The following TOPAZ1 variants were observed in gnomAD, a reference collection of about 807,000 sequenced individuals.
TOPAZ1 encodes testis and ovary specific TOPAZ 1, also known as protein TOPAZ1.
Under a neutral mutation model 172.2 loss-of-function variants are expected in TOPAZ1, and 66 were observed. The observed-to-expected ratio is 0.38, with a 90% confidence interval of 0.31 to 0.47. The LOEUF (loss-of-function observed/expected upper bound fraction) is 0.47. Among genes scored for constraint, TOPAZ1 ranks in the 20% least tolerant of loss-of-function variants. TOPAZ1 has a pLI of 0.99. For missense variants in TOPAZ1, 1,822 were observed against 1,972.4 expected, an observed-to-expected ratio of 0.92 and a Z score of 1.44; for synonymous variants, 681 against 683.9, an observed-to-expected ratio of 1.00 and a Z score of 0.07.
chr3:44,269,342 T>C (rs369310231), intron 7 of TOPAZ1, 41 bp downstream of exon 7: 28 of 1,137,352 alleles, frequency 2.5e-5, no homozygotes, highest in African/African-American at 1.5e-4. Context: ...TGTCTCTTTC[T>C]CCTCCCCCTC....
At chr3:44,291,030 C>A in intron 12 of TOPAZ1, 144 bp downstream of exon 12, 1 of 528,134 alleles carries the variant, frequency 1.9e-6, no homozygotes, top group Non-Finnish European at 3.2e-6. Flanking sequence ...TGTCTCTTGG[C>A]TGTGCCCTAC....
chr3:44,304,752 A>G (rs1201335323), intron 13 of TOPAZ1, among the ~76,000 whole-genome samples: 1 of 152,370 alleles, frequency 6.6e-6, no homozygotes, highest in East Asian at 1.9e-4. Flanking sequence ...GCCAGATAAC[A>G]TTAAAATGTA....
intron 17 of TOPAZ1, 60 bp downstream of exon 17, chr3:44,321,251 TAAGA>T: frequency 8.5e-7 from 1 of 1,180,054 alleles, no homozygotes; most frequent in Non-Finnish European, 1.2e-6. Context: ...TAACTGTTAA[TAAGA>T]AATAGTTATC....
rs145471155 is a variant in TOPAZ1, at chr3:44,261,550, T to A, written c.2956-869T>A. Among the ~76,000 whole-genome samples, 1,469 of 152,322 alleles carry A rather than the reference T, an allele frequency of 9.6e-3. 10 individuals carry two copies. The highest frequency in any genetic ancestry group is 0.02 in the Middle Eastern group (6 of 294). On this transcript the variant is annotated intron_variant, in intron 4 of 19. Coordinates refer to ENST00000309765, the MANE Select transcript of TOPAZ1 (RefSeq NM_001145030.2). ...TTGTACAAGTACCATGCAGTTTTGGTTACTATAGCCCTGTAGCGTAGTTTG... is the reference window on the plus strand; with the variant it reads ...TTGTACAAGTACCATGCAGTTTTGGATACTATAGCCCTGTAGCGTAGTTTG...
At position 44,245,110 on chromosome 3, in the gene TOPAZ1, A is replaced by G. The variant is rs1230635381; in HGVS notation, c.2604A>G (p.Gln868=). The change falls in exon 2 of 20, where the codon CAA becomes CAG. Residue 868 remains glutamine, a synonymous_variant. Coordinates refer to ENST00000309765, the MANE Select transcript of TOPAZ1 (RefSeq NM_001145030.2). The stretch of plus-strand genomic sequence containing the variant: ...ACGTCCTCTTAATTGATGTAATTCA[A>G]GATGACCCAGACCTCTTTGGAGTCT... ...EDDVLLIDVI[Q]DDPDLFGVSN... 5 of 1,551,906 alleles carry G rather than the reference A, an allele frequency of 3.2e-6. No individual in the cohort carries two copies. In the Admixed American group the frequency reaches 5.9e-5, roughly 18 times the overall value.
intron 8 of TOPAZ1, among the ~76,000 whole-genome samples, chr3:44,271,836 C>CA (rs1699902594): frequency 1.3e-5 from 2 of 151,814 alleles, no homozygotes; most frequent in South Asian, 4.2e-4. Flanking sequence ...CAATAGATAT[C>CA]AAAGAAAAAA....
intron 2 of TOPAZ1, among the ~76,000 whole-genome samples, chr3:44,252,228 A>G (rs1334407938): frequency 6.6e-6 from 1 of 152,186 alleles, no homozygotes; most frequent in Non-Finnish European, 1.5e-5. Context: ...AGCATCCCTC[A>G]GTTCTCTATT....
downstream of TOPAZ1, among the ~76,000 whole-genome samples, chr3:44,335,709 C>T (rs549106609): frequency 1.1e-4 from 16 of 152,250 alleles, no homozygotes; most frequent in South Asian, 3.1e-3. Context: ...TGTTCATGTA[C>T]ATAGAAAAAG....
intron 8 of TOPAZ1, among the ~76,000 whole-genome samples, chr3:44,271,454 C>G (rs1488425654): frequency 1.3e-5 from 2 of 152,088 alleles, no homozygotes; most frequent in Non-Finnish European, 2.9e-5. Context: ...CAGATATTTT[C>G]CCTATATTCT....
chr3:44,306,276 C>A, intron 14 of TOPAZ1, 50 bp from the exon 15 acceptor site: 1 of 1,223,560 alleles, frequency 8.2e-7, no homozygotes, highest in South Asian at 1.4e-5. Flanking sequence ...CCTCTTCCAT[C>A]ATTTTAAGTG....
chr3:44,318,969 G>A (rs977775745), intron 16 of TOPAZ1, among the ~76,000 whole-genome samples: 3 of 151,822 alleles, frequency 2.0e-5, no homozygotes, highest in Non-Finnish European at 4.4e-5. Context: ...AGAGGCAACC[G>A]GAAACCTTTG....
In TOPAZ1 at chr3:44,255,099, A is replaced by G. The variant is rs1285877884; in HGVS notation, c.2827+70A>G. ...TTATATCTCCATTCAGGCCTAGTCA[A>G]GATGAATTCACTAGAACAAGAAGCT... On this transcript the variant is annotated intron_variant, in intron 3 of 19. Transcript: ENST00000309765. 1.2e-5 allele frequency: 13 copies of G among 1,110,330 alleles called. 1 individual carries two copies. Among genetic ancestry groups the G allele is most frequent in the Non-Finnish European group, 1.7e-5 (13 of 756,436 alleles). The allele number at this position is 1,110,330 out of a possible 1,614,324, so 68.8% of individuals were successfully genotyped here.
At chr3:44,276,203 T>C (rs551446973) in intron 8 of TOPAZ1, among the ~76,000 whole-genome samples, 1 of 152,206 alleles carries the variant, frequency 6.6e-6, no homozygotes, top group Non-Finnish European at 1.5e-5. Flanking sequence ...TATAGTCCCA[T>C]TTGTCTTATT....
rs1491042358 is a variant in TOPAZ1, at chr3:44,332,026, T to TC, written c.*15_*16insC. On this transcript the variant is annotated 3_prime_UTR_variant, in exon 20 of 20. Coordinates refer to ENST00000309765, the MANE Select transcript of TOPAZ1 (RefSeq NM_001145030.2). ...GTAACCATTAGCTAATAAAGTCTGC[T>TC]TTTTTTTTTTTTTTAGTTCAAGTAA... 8.2e-5 allele frequency: 14 copies of TC among 170,106 alleles called. No individual in the cohort carries two copies. The highest frequency in any genetic ancestry group is 3.4e-4 in the African/African-American group (13 of 37,888). The allele number at this position is 170,106 out of a possible 1,614,324, so 10.5% of individuals were successfully genotyped here. A position where few individuals can be genotyped will look rare whatever the true frequency, so the allele number is the denominator to read the frequency against.
downstream of TOPAZ1, among the ~76,000 whole-genome samples, chr3:44,336,250 T>C (rs1700725035): frequency 6.6e-6 from 1 of 152,222 alleles, no homozygotes. Flanking sequence ...GCTTGTAATT[T>C]TGTAAATCAC....
At chr3:44,308,998 C>T (rs1483212531) in intron 15 of TOPAZ1, among the ~76,000 whole-genome samples, 1 of 152,098 alleles carries the variant, frequency 6.6e-6, no homozygotes. Context: ...TTTTGTACAG[C>T]CCTCAAGCTA....
chr3:44,317,356 G>T (rs1700462692), intron 16 of TOPAZ1, among the ~76,000 whole-genome samples: 1 of 152,168 alleles, frequency 6.6e-6, no homozygotes, highest in Admixed American at 6.5e-5. Flanking sequence ...GGGAAGCAGA[G>T]GTTGCAGTGA....
intron 2 of TOPAZ1, among the ~76,000 whole-genome samples, 166 bp from the exon 3 acceptor site, chr3:44,254,802 A>C (rs1395351291): frequency 6.6e-6 from 1 of 152,128 alleles, no homozygotes; most frequent in Non-Finnish European, 1.5e-5. Context: ...CAAAAAATCC[A>C]CTCAGGTGCA....
chr3:44,242,454 A>G (rs970126257), intron 1 of TOPAZ1, 55 bp downstream of exon 1: 2 of 1,519,258 alleles, frequency 1.3e-6, no homozygotes, highest in South Asian at 1.2e-5. Context: ...AGCGTGCTCC[A>G]TCTTTGTTTT....
Sources: gnomAD v4.1 joint callset for allele counts (sites outside exome capture counted in the v4.1 genomes callset) on GRCh38, gnomAD v4.1.1 for gene constraint, MANE v1.5 for transcripts, NCBI Gene and HGNC (gene_info 2026-07-23, HGNC 2026-07-21) for gene names.